Variants in ZNF99 observed in about 807,000 individuals in gnomAD.
ZNF99 encodes the protein zinc finger protein 99.
ZNF99 carries 8 observed loss-of-function variants against 12.8 expected under a neutral mutation model. The ratio of observed to expected loss-of-function variants is 0.62; its 90% confidence interval spans 0.37 to 1.13. The LOEUF (loss-of-function observed/expected upper bound fraction) is 1.13. Among genes scored for constraint, ZNF99 ranks in the 50% most tolerant of loss-of-function variants. The probability of loss-of-function intolerance (pLI) is 0.02; values close to 1 mark genes in which losing one functional copy is unlikely to be tolerated. For missense variants in ZNF99, 1,007 were observed against 1,006.2 expected (o/e 1.00, Z -0.01); for synonymous variants, 318 against 319.0 (o/e 1.00, Z 0.03).
intron 3 of ZNF99, among the ~76,000 whole-genome samples, chr19:22,766,106 GTTA>G (rs550476601): frequency 1.3e-5 from 2 of 151,244 alleles, no homozygotes; most frequent in South Asian, 2.1e-4. Flanking sequence ...CAATTAAGTT[GTTA>G]TGATATTAAA....
At chr19:22,779,242 C>T (rs201958005) in intron 1 of ZNF99, among the ~76,000 whole-genome samples, 3 of 142,908 alleles carry the variant, frequency 2.1e-5, no homozygotes, top group South Asian at 2.1e-4. Context: ...ATAAATAAAT[C>T]GGGCCGGGCG....
intron 3 of ZNF99, among the ~76,000 whole-genome samples, chr19:22,761,816 G>A (rs1184315485): frequency 6.6e-6 from 1 of 152,054 alleles, no homozygotes; most frequent in South Asian, 2.1e-4. Context: ...AATAAAAGTG[G>A]AATTCAACTA....
chr19:22,775,138 A>G (rs1973312340), intron 1 of ZNF99, among the ~76,000 whole-genome samples: 1 of 152,240 alleles, frequency 6.6e-6, no homozygotes, highest in African/African-American at 2.4e-5. Flanking sequence ...AGCTGGAGGC[A>G]TTACATTACC....
intron 3 of ZNF99, among the ~76,000 whole-genome samples, chr19:22,766,370 C>T (rs565049090): frequency 5.4e-4 from 79 of 147,600 alleles, no homozygotes; most frequent in African/African-American, 2.0e-3. Context: ...GATGGAGTCT[C>T]GCTCTATTGC....
At chr19:22,777,620 G>A (rs767506978) in intron 1 of ZNF99, among the ~76,000 whole-genome samples, 8 of 152,174 alleles carry the variant, frequency 5.3e-5, no homozygotes, top group Non-Finnish European at 1.0e-4. Context: ...CCCAGGTACG[G>A]CTCTACTCTG....
chr19:22,760,541 G>A (rs1196562288), intron 3 of ZNF99, among the ~76,000 whole-genome samples: 5 of 152,170 alleles, frequency 3.3e-5, no homozygotes, highest in East Asian at 3.9e-4. Flanking sequence ...TCAGGAGATC[G>A]AGACCATTCT....
At chr19:22,765,944 T>C (rs2145148975) in intron 3 of ZNF99, among the ~76,000 whole-genome samples, 1 of 152,228 alleles carries the variant, frequency 6.6e-6, no homozygotes, top group East Asian at 1.9e-4. Context: ...ACATATAAAA[T>C]GTCTTACTAT....
chr19:22,757,702 T>C lies in ZNF99; in HGVS notation c.2207A>G (p.Glu736Gly). The change falls in exon 4 of 4, where the codon GAA (glutamate) becomes GGA (glycine). Residue 736 changes from glutamate to glycine, a missense_variant. Transcript: ENST00000596209. Reference sequence around the variant, plus strand: ...CCACTTAAAAGCTTTACCACATTCTTCACATTTGTAGGGTTTCTCTCCAGT... The same window carrying C: ...CCACTTAAAAGCTTTACCACATTCTCCACATTTGTAGGGTTTCTCTCCAGT... ...IHTGEKPYKCEECGKAFKWSS... is the reference protein window; with the variant it reads ...IHTGEKPYKCGECGKAFKWSS... 1 of 1,612,280 alleles carries C rather than the reference T, an allele frequency of 6.2e-7. No individual in the cohort carries two copies. Among genetic ancestry groups the C allele is most frequent in the East Asian group, 2.2e-5 (1 of 44,842 alleles).
At chr19:22,776,795 C>T (rs1568388100) in intron 1 of ZNF99, among the ~76,000 whole-genome samples, 2 of 139,104 alleles carry the variant, frequency 1.4e-5, no homozygotes, top group African/African-American at 5.2e-5. Context: ...GCACTATTCA[C>T]AATAGCAAAG....
chr19:22,759,223 T>C lies in ZNF99; in HGVS notation c.686A>G (p.Tyr229Cys), dbSNP rs974629865. The change falls in exon 4 of 4, where the codon TAC becomes TGC. Residue 229 changes from tyrosine (Y) to cysteine (C), a missense_variant. Transcript: ENST00000596209. ...HKIIHTEDKP[Y>C]KYKKCGKAFN... is the part of the protein sequence containing the mutation. ...AGCTTTGCCACATTTCTTATATTTG[T>C]AGGGTTTGTCTTCAGTATGAATTAT... The C allele has an allele frequency of 1.0e-5, 16 of 1,563,140 alleles. No individual in the cohort carries two copies. The highest frequency in any genetic ancestry group is 1.4e-5 in the Non-Finnish European group (16 of 1,154,560).
chr19:22,771,842 T>G (rs12981690), intron 1 of ZNF99, among the ~76,000 whole-genome samples: 97 of 15,138 alleles, frequency 6.4e-3, no homozygotes, highest in African/African-American at 0.023. Context: ...CTCAGCCTCC[T>G]GAGTAGCTGG....
At chr19:22,769,861 G>A in intron 1 of ZNF99, 3 of 1,346,516 alleles carry the variant, frequency 2.2e-6, no homozygotes, top group Non-Finnish European at 3.0e-6. Context: ...CACCAGCACA[G>A]ACAAGATACT....
In ZNF99 at chr19:22,759,523, G is replaced by C. The variant is rs7255780; in HGVS notation, c.386C>G (p.Ala129Gly). 473,161 of 1,602,166 alleles carry C rather than the reference G, an allele frequency of 0.3. 72,840 individuals are homozygous for C. Among genetic ancestry groups the C allele is most frequent in the African/African-American group, 0.5 (37,589 of 74,658 alleles). ...CCAACATTGGTTAAGTTTATTATAA[G>C]CTTCTTCGTGCATCTTACCCTCATT... ...SVNEGKMHEE[A>G]YNKLNQCWTT... The change falls in exon 4 of 4, where the codon GCT becomes GGT. Residue 129 changes from alanine to glycine, a missense_variant. Physicochemically the swap from Ala to Gly is moderately conservative, Grantham distance 60 (BLOSUM62 0). Coordinates refer to ENST00000596209, the MANE Select transcript of ZNF99 (RefSeq NM_001080409.3).
Position 22,758,617 on chromosome 19 carries a change from C to T in ZNF99, c.1292G>A (p.Gly431Asp), listed in dbSNP as rs1228175609. Residue 431 changes from glycine to aspartate, a missense_variant, in exon 4 of 4, where the codon GGC becomes GAC. Physicochemically the swap from Gly to Asp is moderately conservative, Grantham distance 94. Coordinates refer to ENST00000596209, the MANE Select transcript of ZNF99 (RefSeq NM_001080409.3). ...GGCTGAGAAACGCTTAAAAGCTTTG[C>T]CACATTCTTCACATTTGCAGGGTTT... ...AEKPCKCEEC[G>D]KAFKRFSALR... 1.2e-6 allele frequency: 2 copies of T among 1,613,200 alleles called. No individual in the cohort carries two copies. Among genetic ancestry groups the T allele is most frequent in the Non-Finnish European group, 1.7e-6 (2 of 1,179,690 alleles).
chr19:22,777,891 A>G, intron 1 of ZNF99, among the ~76,000 whole-genome samples: 1 of 151,826 alleles, frequency 6.6e-6, no homozygotes. Context: ...AGAAGGTGGG[A>G]ATCCTGTGAT....
At chr19:22,772,783 CTTTTT>C (rs1568387084) in intron 1 of ZNF99, among the ~76,000 whole-genome samples, 1 of 151,644 alleles carries the variant, frequency 6.6e-6, no homozygotes, top group South Asian at 2.1e-4. Flanking sequence ...GAAAGTTTTT[CTTTTT>C]TCTCAAATCT....
intron 3 of ZNF99, among the ~76,000 whole-genome samples, chr19:22,766,346 CTTTT>C (rs74174101): frequency 7.1e-6 from 1 of 140,932 alleles, no homozygotes; most frequent in Non-Finnish European, 1.5e-5. Flanking sequence ...CTTTTCTTTT[CTTTT>C]TTTTTTTGAG....
At chr19:22,764,865 G>A (rs892883497) in intron 3 of ZNF99, among the ~76,000 whole-genome samples, 1 of 152,074 alleles carries the variant, frequency 6.6e-6, no homozygotes, top group African/African-American at 2.4e-5. Context: ...TGGTGATCAG[G>A]GAACACTTCT....
At chr19:22,760,537 G>A (rs1973138923) in intron 3 of ZNF99, among the ~76,000 whole-genome samples, 1 of 152,108 alleles carries the variant, frequency 6.6e-6, no homozygotes. Context: ...GAGGTCAGGA[G>A]ATCGAGACCA....
Sources: gnomAD v4.1 joint callset for allele counts (sites outside exome capture counted in the v4.1 genomes callset) on GRCh38, gnomAD v4.1.1 for gene constraint, MANE v1.5 for transcripts, NCBI Gene and HGNC (gene_info 2026-07-23, HGNC 2026-07-21) for gene names.